The following DGKD variants were observed in gnomAD, a reference collection of about 807,000 sequenced individuals.
DGKD encodes DAG kinase delta.
A neutral mutation model predicts 154.4 loss-of-function variants in DGKD; 68 were observed. The observed-to-expected ratio is 0.44, with a 90% confidence interval of 0.36 to 0.54. DGKD has a LOEUF of 0.54. Among genes scored for constraint, DGKD ranks in the 20% least tolerant of loss-of-function variants. DGKD has a pLI of 0.00. For missense variants in DGKD, 1,343 were observed against 1,593.6 expected (o/e 0.84, Z 2.68); for synonymous variants, 693 against 638.0 (o/e 1.09, Z -1.30).
chr2:233,409,232 T>C (rs188001870), intron 3 of DGKD, among the ~76,000 whole-genome samples: 1 of 152,394 alleles, frequency 6.6e-6, no homozygotes, highest in African/African-American at 2.4e-5. Context: ...ACACTTGTTA[T>C]ACTTGTTAAT....
intron 3 of DGKD, among the ~76,000 whole-genome samples, chr2:233,418,831 C>T (rs1469422760): frequency 6.6e-6 from 1 of 152,168 alleles, no homozygotes; most frequent in East Asian, 1.9e-4. Flanking sequence ...GACAGGGCAG[C>T]GTGCAGAGCT....
intron 3 of DGKD, among the ~76,000 whole-genome samples, chr2:233,410,183 T>C (rs2061792078): frequency 6.6e-6 from 1 of 152,106 alleles, no homozygotes; most frequent in South Asian, 2.1e-4. Flanking sequence ...TGGGTCAAGA[T>C]AATTAGATGT....
chr2:233,448,766 A>G (rs982789889), intron 14 of DGKD, among the ~76,000 whole-genome samples: 2 of 152,048 alleles, frequency 1.3e-5, no homozygotes, highest in African/African-American at 4.8e-5. Flanking sequence ...CAAAGGTCAC[A>G]CTCCTGTGCA....
intron 3 of DGKD, chr2:233,419,489 G>T (rs1042032173): frequency 3.1e-6 from 3 of 974,464 alleles, no homozygotes; most frequent in African/African-American, 3.5e-5. Context: ...CAAGGTCAGG[G>T]TTTGGAATTA....
intron 1 of DGKD, among the ~76,000 whole-genome samples, chr2:233,369,178 A>T (rs1192945085): frequency 6.6e-6 from 1 of 151,956 alleles, no homozygotes; most frequent in Non-Finnish European, 1.5e-5. Flanking sequence ...TGTAGGTTAG[A>T]CCATCTGTCT....
At chr2:233,414,720 T>A (rs906340050) in intron 3 of DGKD, among the ~76,000 whole-genome samples, 19 of 152,204 alleles carry the variant, frequency 1.2e-4, no homozygotes, top group Non-Finnish European at 2.5e-4. Context: ...TTCAGGTATG[T>A]TTTTTCAAGA....
intron 3 of DGKD, among the ~76,000 whole-genome samples, chr2:233,400,131 C>A (rs2061523068): frequency 6.6e-6 from 1 of 152,144 alleles, no homozygotes; most frequent in South Asian, 2.1e-4. Flanking sequence ...TAGAAATGTC[C>A]CCTTTGAGAC....
intron 29 of DGKD, 76 bp downstream of exon 29, chr2:233,468,629 G>GA: frequency 6.3e-7 from 1 of 1,588,610 alleles, no homozygotes; most frequent in Non-Finnish European, 8.6e-7. Context: ...CCTCTCCCCC[G>GA]ACCTGGCCAT....
intron 1 of DGKD, among the ~76,000 whole-genome samples, chr2:233,356,905 G>A (rs1701554548): frequency 6.6e-6 from 1 of 152,088 alleles, no homozygotes; most frequent in South Asian, 2.1e-4. Flanking sequence ...AATGGTATGG[G>A]GTAGCAGTCT....
In DGKD at chr2:233,457,987, G is replaced by A. The variant is rs143550658; in HGVS notation, c.2581-297G>A. Among the ~76,000 whole-genome samples the A allele has an allele frequency of 7.2e-5, 11 of 152,304 alleles. No homozygotes were observed. The East Asian group carries it at 1.7e-3, about 24-fold the overall frequency. ...GGCCCCAGTCCTGGCACTCTGCAGCGTTAACTCACTTGGCCCTACTGATGG... is the reference window on the plus strand; with the variant it reads ...GGCCCCAGTCCTGGCACTCTGCAGCATTAACTCACTTGGCCCTACTGATGG... On this transcript the variant is annotated intron_variant, in intron 21 of 29. Coordinates refer to ENST00000264057, the MANE Select transcript of DGKD (RefSeq NM_152879.3). The surrounding 1 kb of genome is among the most constrained non-coding windows in gnomAD (Gnocchi z 5.5).
intron 10 of DGKD, 176 bp downstream of exon 10, chr2:233,442,171 A>G: frequency 1.4e-6 from 1 of 711,912 alleles, no homozygotes; most frequent in Admixed American, 2.0e-5. Context: ...AGCCTGGGCC[A>G]CCCCCTGGCA....
At chr2:233,390,622 T>A in intron 3 of DGKD, 139 bp downstream of exon 3, 1 of 661,036 alleles carries the variant, frequency 1.5e-6, no homozygotes, top group Non-Finnish European at 2.5e-6. Context: ...AATTTGAATT[T>A]AATGCTGAAA....
intron 1 of DGKD, among the ~76,000 whole-genome samples, chr2:233,375,156 T>C (rs1702506787): frequency 6.6e-6 from 1 of 152,128 alleles, no homozygotes; most frequent in African/African-American, 2.4e-5. Flanking sequence ...CCAGGCGTGA[T>C]GGCACACGCC....
At position 233,445,728 on chromosome 2, in the gene DGKD, A is replaced by G; in HGVS notation, c.1300A>G (p.Lys434Glu). 1 of 1,612,850 alleles carries G rather than the reference A, an allele frequency of 6.2e-7. No individual in the cohort carries two copies. The highest frequency in any genetic ancestry group is 1.1e-5 in the South Asian group (1 of 90,880). The change falls in exon 11 of 30, where the codon AAG becomes GAG. Residue 434 changes from lysine (K) to glutamate (E), a missense_variant. Physicochemically the swap from Lys to Glu is moderately conservative, Grantham distance 56. Transcript: ENST00000264057. This position sits in a 1 kb window ranked among gnomAD's most constrained non-coding sequence, Gnocchi z 5.5. ...DDTQLPQILE[K>E]LERASTKMLD... is the part of the protein sequence containing the mutation. ...CACCCAGCTCCCCCAGATCTTGGAG[A>G]AGTTGGAGAGAGCCAGCACCAAGAT... is the stretch of plus-strand genomic sequence containing the variant.
chr2:233,460,384 C>T lies in DGKD; in HGVS notation c.2981+39C>T, dbSNP rs759576930. Reference sequence around the variant, plus strand: ...CCTCTGCGTTGCGCATGAGCCTCCCCCAGGGTCCCTGGGACTGCACTCTTC... The same window carrying T: ...CCTCTGCGTTGCGCATGAGCCTCCCTCAGGGTCCCTGGGACTGCACTCTTC... On this transcript the variant is annotated intron_variant, in intron 24 of 29. Transcript: ENST00000264057. 12 of 1,608,990 alleles carry T rather than the reference C, an allele frequency of 7.5e-6. No homozygotes were observed. The East Asian group carries it at 2.7e-4, about 36-fold the overall frequency.
rs75570213 is a variant in DGKD, at chr2:233,440,317, G to A, written c.1086-1570G>A. Among the ~76,000 whole-genome samples the A allele has an allele frequency of 7.2e-3, 1,099 of 152,242 alleles. 12 individuals carry two copies. The highest frequency in any genetic ancestry group is 0.025 in the African/African-American group (1,026 of 41,556). On this transcript the variant is annotated intron_variant, in intron 9 of 29. Coordinates refer to ENST00000264057, the MANE Select transcript of DGKD (RefSeq NM_152879.3). This position sits in a 1 kb window ranked among gnomAD's most constrained non-coding sequence, Gnocchi z 4.9. Reference sequence around the variant, plus strand: ...AGTGTTCTGTGTGGAGCCTGGGCTTGGTGCCGCATCACCTATGCCTGTCTG... The same window carrying A: ...AGTGTTCTGTGTGGAGCCTGGGCTTAGTGCCGCATCACCTATGCCTGTCTG...
At chr2:233,387,856 CAG>C (rs1165849912) in intron 1 of DGKD, among the ~76,000 whole-genome samples, 17 of 152,286 alleles carry the variant, frequency 1.1e-4, no homozygotes, top group Middle Eastern at 3.4e-3. Flanking sequence ...CCAGAGAACA[CAG>C]AGACAGGGCC....
chr2:233,450,655 C>T (rs1376068733), intron 16 of DGKD, among the ~76,000 whole-genome samples: 1 of 152,190 alleles, frequency 6.6e-6, no homozygotes, highest in African/African-American at 2.4e-5. Flanking sequence ...TGCTCCGCCT[C>T]CCACAGCCCG....
At chr2:233,386,904 T>G (rs1278137580) in intron 1 of DGKD, among the ~76,000 whole-genome samples, 1 of 152,158 alleles carries the variant, frequency 6.6e-6, no homozygotes, top group African/African-American at 2.4e-5. Flanking sequence ...AAGGGCACAG[T>G]GAGGATGGCT....
Sources: allele counts gnomAD v4.1 joint callset (sites outside exome capture counted in the v4.1 genomes callset), GRCh38; gene constraint gnomAD v4.1.1; non-coding constraint Gnocchi (gnomAD v3.1); transcripts MANE v1.5; gene names NCBI Gene and HGNC (gene_info 2026-07-23, HGNC 2026-07-21).